Variants in EPHB2 observed in about 807,000 individuals in gnomAD.
EPHB2 encodes the protein ephrin type-B receptor 2.
A neutral mutation model predicts 96.4 loss-of-function variants in EPHB2; 18 were observed. The observed-to-expected ratio is 0.19, with a 90% CI of 0.13 to 0.28. The LOEUF (loss-of-function observed/expected upper bound fraction) is 0.28. EPHB2 is among the 10% of genes least tolerant of loss of function. The pLI, the probability that EPHB2 is intolerant of heterozygous loss-of-function variation, is 1.00. For missense variants in EPHB2, 989 were observed against 1,355.4 expected, an observed-to-expected ratio of 0.73 and a Z score of 4.25; for synonymous variants, 506 against 534.1, an observed-to-expected ratio of 0.95 and a Z score of 0.72.
chr1:22,899,378 G>C (rs1459493243), intron 9 of EPHB2, among the ~76,000 whole-genome samples: 1 of 151,476 alleles, frequency 6.6e-6, no homozygotes, highest in Non-Finnish European at 1.5e-5. Flanking sequence ...GTGTGTGCCT[G>C]TAATCCCAGC....
chr1:22,781,024 CG>C (rs1266192208), intron 1 of EPHB2, among the ~76,000 whole-genome samples: 1 of 151,916 alleles, frequency 6.6e-6, no homozygotes, highest in Non-Finnish European at 1.5e-5. Flanking sequence ...GATGAGGGCC[CG>C]GCCGTGAGGG....
At chr1:22,749,106 C>T (rs1282059081) in intron 1 of EPHB2, among the ~76,000 whole-genome samples, 2 of 151,552 alleles carry the variant, frequency 1.3e-5, no homozygotes, top group African/African-American at 4.9e-5. Flanking sequence ...CTGCAACCTC[C>T]GCCTCCTGGG....
intron 1 of EPHB2, among the ~76,000 whole-genome samples, chr1:22,730,232 C>T (rs1643676919): frequency 6.6e-6 from 1 of 152,194 alleles, no homozygotes; most frequent in South Asian, 2.1e-4. Flanking sequence ...GGGGCGGAGG[C>T]GGGGGTGGCT....
intron 1 of EPHB2, among the ~76,000 whole-genome samples, chr1:22,774,812 T>C (rs1644425658): frequency 6.6e-6 from 1 of 152,178 alleles, no homozygotes. Flanking sequence ...GTTCTCAGTG[T>C]TGAGGGTACA....
At chr1:22,900,834 C>A (rs1052292994) in intron 9 of EPHB2, among the ~76,000 whole-genome samples, 1 of 152,182 alleles carries the variant, frequency 6.6e-6, no homozygotes, top group African/African-American at 2.4e-5. Context: ...CACCCAGCCA[C>A]CCTGCGTGGT....
intron 4 of EPHB2, among the ~76,000 whole-genome samples, chr1:22,863,871 G>A (rs1438075613): frequency 1.3e-5 from 2 of 151,920 alleles, no homozygotes; most frequent in African/African-American, 2.4e-5. Flanking sequence ...GATTACAGGC[G>A]TGCACCACCA....
At chr1:22,845,900 G>A (rs902460083) in intron 3 of EPHB2, among the ~76,000 whole-genome samples, 9 of 152,162 alleles carry the variant, frequency 5.9e-5, no homozygotes, top group African/African-American at 1.9e-4. Flanking sequence ...CACTTTTGCT[G>A]CAAATCTTGC....
chr1:22,803,095 A>G (rs992560519), intron 3 of EPHB2, among the ~76,000 whole-genome samples: 7 of 152,146 alleles, frequency 4.6e-5, no homozygotes, highest in Non-Finnish European at 8.8e-5. Context: ...CAAGCAAGAA[A>G]TAGCCTGAGG....
chr1:22,787,338 A>G (rs1378000577), intron 3 of EPHB2, among the ~76,000 whole-genome samples: 4 of 152,206 alleles, frequency 2.6e-5, no homozygotes, highest in Non-Finnish European at 5.9e-5. Flanking sequence ...AACTTGGCCC[A>G]TTAGGGAGGC....
chr1:22,876,002 G>C (rs1638824881), intron 5 of EPHB2, among the ~76,000 whole-genome samples: 1 of 152,136 alleles, frequency 6.6e-6, no homozygotes, highest in Non-Finnish European at 1.5e-5. Flanking sequence ...GGAGAGAGGG[G>C]GCAGGCAGAG....
At chr1:22,910,067 G>A (rs990496957) in intron 13 of EPHB2, among the ~76,000 whole-genome samples, 2 of 152,172 alleles carry the variant, frequency 1.3e-5, no homozygotes, top group African/African-American at 4.8e-5. Context: ...GGGCTCACAG[G>A]ATGGGAGGAG....
intron 1 of EPHB2, among the ~76,000 whole-genome samples, chr1:22,751,266 G>T (rs911920416): frequency 3.9e-5 from 6 of 152,150 alleles, no homozygotes; most frequent in Non-Finnish European, 7.4e-5. Context: ...AGATGGGAGC[G>T]CTCACCTGCC....
chr1:22,863,615 T>C (rs1236336750), intron 4 of EPHB2, among the ~76,000 whole-genome samples: 1 of 152,216 alleles, frequency 6.6e-6, no homozygotes, highest in Admixed American at 6.5e-5. Flanking sequence ...CCCCTGTATC[T>C]GTCAGGGATG....
rs1046331248 is a variant in EPHB2, at chr1:22,914,050, C to G, written c.*480C>G. 4.8e-5 allele frequency: 38 copies of G among 787,676 alleles called. No individual in the cohort carries two copies. Among genetic ancestry groups the G allele is most frequent in the Non-Finnish European group, 7.2e-5 (37 of 516,962 alleles). The allele number at this position is 787,676 out of a possible 1,614,324, so 48.8% of individuals were successfully genotyped here. A position where few individuals can be genotyped will look rare whatever the true frequency, so the allele number is the denominator to read the frequency against. Reference sequence around the variant, plus strand: ...CCCTGCTGCTCCTCTAGGCCTCACTCAACAACCAAGCGCCTGGAGGACGGG... The same window carrying G: ...CCCTGCTGCTCCTCTAGGCCTCACTGAACAACCAAGCGCCTGGAGGACGGG... On this transcript the variant is annotated 3_prime_UTR_variant, in exon 16 of 16. Transcript: ENST00000374630.
intron 8 of EPHB2, 66 bp downstream of exon 8, chr1:22,895,646 T>C (rs1451601830): frequency 1.4e-6 from 2 of 1,423,054 alleles, no homozygotes; most frequent in African/African-American, 1.4e-5. Flanking sequence ...CTCTATTCAG[T>C]CATCCCTCTA....
At chr1:22,778,513 C>T (rs1410295172) in intron 1 of EPHB2, among the ~76,000 whole-genome samples, 2 of 152,212 alleles carry the variant, frequency 1.3e-5, no homozygotes, top group African/African-American at 4.8e-5. Context: ...CTTGTGCTGC[C>T]TCCTGCCACA....
At position 22,855,262 on chromosome 1, in the gene EPHB2, CTT is replaced by C. The variant is rs1198296071; in HGVS notation, c.812-7772_812-7771del. On this transcript the variant is annotated intron_variant, in intron 3 of 15. Coordinates refer to ENST00000374630, the MANE Select transcript of EPHB2 (RefSeq NM_017449.5). ...GCCCCCCTACTCTGGGACCAAGACT[CTT>C]TTCTCCATCCAGTCAAACTCCTCTC... Among the ~76,000 whole-genome samples, 6 of 152,330 alleles carry C rather than the reference CTT, an allele frequency of 3.9e-5. No homozygotes were observed. In the East Asian group the frequency reaches 9.6e-4, roughly 24 times the overall value.
rs74970882 is a variant in EPHB2, at chr1:22,750,794, G to A, written c.62-30627G>A. Among the ~76,000 whole-genome samples, 62 of 152,254 alleles carry A rather than the reference G, an allele frequency of 4.1e-4. No individual in the cohort carries two copies. The East Asian group carries it at 0.011, about 27-fold the overall frequency. On this transcript the variant is annotated intron_variant, in intron 1 of 15. Transcript: ENST00000374630. ...ATTACAAATATTTCATCCCCATTAC[G>A]ACTTTATGAGACAGGTGCTATTATC...
chr1:22,792,573 C>T (rs1244500691), intron 3 of EPHB2, among the ~76,000 whole-genome samples: 5 of 151,888 alleles, frequency 3.3e-5, no homozygotes, highest in Non-Finnish European at 5.9e-5. Context: ...ATCCATTGGT[C>T]CATCCATCCA....
Sources: allele counts gnomAD v4.1 joint callset (sites outside exome capture counted in the v4.1 genomes callset), GRCh38; gene constraint gnomAD v4.1.1; transcripts MANE v1.5; gene names NCBI Gene and HGNC (gene_info 2026-07-23, HGNC 2026-07-21).